The following ARL15 variants were observed in gnomAD, a reference collection of about 807,000 sequenced individuals.
ARL15 encodes ARF like GTPase 15.
A neutral mutation model predicts 25.2 loss-of-function variants in ARL15; 19 were observed. The ratio of observed to expected loss-of-function variants is 0.75; its 90% CI spans 0.53 to 1.10. The LOEUF is 1.10. ARL15 is among the 50% of genes least tolerant of loss of function. ARL15 has a pLI of 0.00. For synonymous variants in ARL15, 94 were observed against 86.8 expected, an observed-to-expected ratio of 1.08 and a Z score of -0.46; for missense variants, 220 against 246.0, an observed-to-expected ratio of 0.89 and a Z score of 0.71.
intron 4 of ARL15, among the ~76,000 whole-genome samples, chr5:54,068,836 T>C (rs1164409868): frequency 6.6e-6 from 1 of 152,190 alleles, no homozygotes; most frequent in African/African-American, 2.4e-5. Context: ...ATTAGGAAAA[T>C]GAGTTCTGGA....
intron 4 of ARL15, among the ~76,000 whole-genome samples, chr5:53,966,881 A>G (rs933476884): frequency 1.3e-5 from 2 of 152,262 alleles, no homozygotes; most frequent in Admixed American, 6.5e-5. Context: ...ATGTACAAGT[A>G]CAGAAAGATG....
At chr5:54,097,847 A>G (rs1752332683) in intron 4 of ARL15, among the ~76,000 whole-genome samples, 1 of 152,260 alleles carries the variant, frequency 6.6e-6, no homozygotes, top group East Asian at 1.9e-4. Flanking sequence ...CACAAAGTGT[A>G]TACATGCACA....
intron 1 of ARL15, among the ~76,000 whole-genome samples, chr5:54,249,307 T>C (rs2289854): frequency 2.6e-5 from 4 of 151,520 alleles, no homozygotes; most frequent in African/African-American, 9.7e-5. Flanking sequence ...TAGAACTTTC[T>C]ATGTACATCT....
chr5:54,086,406 T>A (rs1751965077), intron 4 of ARL15, among the ~76,000 whole-genome samples: 1 of 151,664 alleles, frequency 6.6e-6, no homozygotes, highest in Non-Finnish European at 1.5e-5. Flanking sequence ...TGCTTTACAA[T>A]CTCCAGCCTT....
At chr5:54,068,967 C>T (rs1446405855) in intron 4 of ARL15, among the ~76,000 whole-genome samples, 3 of 152,150 alleles carry the variant, frequency 2.0e-5, no homozygotes, top group Non-Finnish European at 2.9e-5. Flanking sequence ...ATACGATACA[C>T]ATGCTTAACA....
At chr5:53,993,878 G>A (rs1286789992) in intron 4 of ARL15, among the ~76,000 whole-genome samples, 2 of 152,168 alleles carry the variant, frequency 1.3e-5, no homozygotes, top group Non-Finnish European at 1.5e-5. Context: ...GTTTCATTAA[G>A]TGTGGCATTT....
intron 4 of ARL15, among the ~76,000 whole-genome samples, chr5:53,959,721 C>A (rs905713359): frequency 9.9e-5 from 15 of 152,054 alleles, no homozygotes; most frequent in African/African-American, 3.6e-4. Flanking sequence ...TCATTTGTCA[C>A]CTTCTCAGTG....
intron 1 of ARL15, among the ~76,000 whole-genome samples, chr5:54,294,606 G>C (rs1758419269): frequency 1.3e-5 from 2 of 152,204 alleles, no homozygotes; most frequent in African/African-American, 4.8e-5. Flanking sequence ...TTGTCTTGCT[G>C]CAAGATCTTT....
At chr5:53,939,057 T>A (rs998554466) in intron 4 of ARL15, among the ~76,000 whole-genome samples, 1 of 152,126 alleles carries the variant, frequency 6.6e-6, no homozygotes, top group African/African-American at 2.4e-5. Context: ...CCAAAAGATA[T>A]CTTGGTTGCA....
intron 4 of ARL15, among the ~76,000 whole-genome samples, chr5:54,038,731 T>C (rs1464344269): frequency 6.6e-6 from 1 of 152,102 alleles, no homozygotes; most frequent in African/African-American, 2.4e-5. Context: ...TAAACATATA[T>C]ATATATATAT....
chr5:54,001,478 A>G (rs60870315), intron 4 of ARL15, among the ~76,000 whole-genome samples: 12,174 of 152,242 alleles, frequency 0.08, 581 homozygotes, highest in African/African-American at 0.089. Flanking sequence ...AGAACATTAT[A>G]AAGTATCAAT....
intron 3 of ARL15, among the ~76,000 whole-genome samples, chr5:54,119,514 T>C (rs566012165): frequency 1.3e-5 from 2 of 152,246 alleles, no homozygotes; most frequent in African/African-American, 2.4e-5. Context: ...AATATACTAA[T>C]ACTTGTCCAG....
intron 1 of ARL15, among the ~76,000 whole-genome samples, chr5:54,226,909 C>T (rs562194598): frequency 6.0e-4 from 91 of 152,202 alleles, no homozygotes; most frequent in East Asian, 1.9e-4. Context: ...CCATTCTGTT[C>T]TCATGGTAGT....
Position 54,072,512 on chromosome 5 carries a change from T to C in ARL15, c.462+40690A>G, listed in dbSNP as rs574179875. Among the ~76,000 whole-genome samples the C allele has an allele frequency of 7.2e-5, 11 of 152,342 alleles. No homozygotes were observed. The South Asian group carries it at 2.1e-3, about 29-fold the overall frequency. ...GTACAAATGCTATCATCATGTGGTC[T>C]AAATGTCTCCGAGATATTTAAGTAT... is the stretch of plus-strand genomic sequence containing the variant. On this transcript the variant is annotated intron_variant, in intron 4 of 4. Transcript: ENST00000504924.
intron 4 of ARL15, among the ~76,000 whole-genome samples, chr5:54,096,623 T>A (rs141449564): frequency 3.6e-4 from 55 of 152,112 alleles, no homozygotes; most frequent in East Asian, 1.8e-3. Flanking sequence ...GTTGGCCAGG[T>A]TGGTCTCAAA....
intron 3 of ARL15, among the ~76,000 whole-genome samples, chr5:54,148,011 T>C (rs372436205): frequency 3.3e-5 from 5 of 152,144 alleles, no homozygotes; most frequent in African/African-American, 1.2e-4. Flanking sequence ...ATAATATACA[T>C]GGAACTGTGA....
At chr5:53,932,070 C>G (rs1746209445) in intron 4 of ARL15, among the ~76,000 whole-genome samples, 1 of 152,170 alleles carries the variant, frequency 6.6e-6, no homozygotes, top group Non-Finnish European at 1.5e-5. Flanking sequence ...TTTGCTGGGT[C>G]TGAAAATTTA....
At chr5:54,119,424 A>T (rs989658989) in intron 3 of ARL15, among the ~76,000 whole-genome samples, 13 of 152,124 alleles carry the variant, frequency 8.5e-5, no homozygotes, top group African/African-American at 2.9e-4. Context: ...CCGAGCCAAA[A>T]AAAACTCCTA....
chr5:54,214,531 A>G (rs1336162840), intron 1 of ARL15, among the ~76,000 whole-genome samples: 1 of 152,120 alleles, frequency 6.6e-6, no homozygotes, highest in Non-Finnish European at 1.5e-5. Flanking sequence ...ACCAACATAC[A>G]ATAGGAAAAC....
Sources: allele counts gnomAD v4.1 joint callset (sites outside exome capture counted in the v4.1 genomes callset), GRCh38; gene constraint gnomAD v4.1.1; transcripts MANE v1.5; gene names NCBI Gene and HGNC (gene_info 2026-07-23, HGNC 2026-07-21).